The following ARMCX3 variants were observed in gnomAD, a reference collection of about 807,000 sequenced individuals.
The protein encoded by ARMCX3 is armadillo repeat containing X-linked 3.
A neutral mutation model predicts 12.6 loss-of-function variants in ARMCX3; 3 were observed. The observed-to-expected ratio is 0.24, with a 90% CI of 0.11 to 0.61. The LOEUF is 0.61. ARMCX3 is among the 20% of genes least tolerant of loss of function. The pLI is 0.88. For synonymous variants in ARMCX3, 102 were observed against 103.1 expected (o/e 0.99, Z 0.06); for missense variants, 204 against 286.1 (o/e 0.71, Z 2.07).
rs1935971728 is a variant in ARMCX3, at chrX:101,625,516, T to G, written c.537T>G (p.Val179=). 3 of 1,209,247 alleles carry G rather than the reference T, an allele frequency of 2.5e-6. No individual in the cohort carries two copies. Among genetic ancestry groups the G allele is most frequent in the Non-Finnish European group, 3.4e-6 (3 of 894,806 alleles). Residue 179 remains valine (V), a synonymous_variant, in exon 5 of 5, where the codon GTT becomes GTG. Coordinates refer to ENST00000471229, the MANE Select transcript of ARMCX3 (RefSeq NM_177947.3). ...AKILNTRDPI[V]KEKALIVLNN... ...TTCTCAATACTCGGGATCCCATAGTTAAGGAAAAGGCTTTAATTGTCCTGA... is the reference window on the plus strand; with the variant it reads ...TTCTCAATACTCGGGATCCCATAGTGAAGGAAAAGGCTTTAATTGTCCTGA...
chrX:101,625,166 G>A lies in ARMCX3; in HGVS notation c.187G>A (p.Asp63Asn), dbSNP rs1556038328. Residue 63 changes from aspartate to asparagine, a missense_variant, in exon 5 of 5, where the codon GAT becomes AAT. Coordinates refer to ENST00000471229, the MANE Select transcript of ARMCX3 (RefSeq NM_177947.3). ...SGARYNDWSDDDDDSNESKSI... is the reference protein window; with the variant it reads ...SGARYNDWSDNDDDSNESKSI... The stretch of plus-strand genomic sequence containing the variant: ...GGCCAGGTATAATGACTGGTCTGAT[G>A]ATGATGATGACAGCAATGAGAGCAA... 2 of 1,210,601 alleles carry A rather than the reference G, an allele frequency of 1.7e-6. No homozygotes were observed. Among genetic ancestry groups the A allele is most frequent in the South Asian group, 1.8e-5 (1 of 56,992 alleles).
chrX:101,626,887 A>G lies in ARMCX3; in HGVS notation c.*768A>G, dbSNP rs1175497600. ...TGGAGAATTGTTTGAATATTATCCC[A>G]TTGAATACCCAGAGCCACTAAATCT... On this transcript the variant is annotated 3_prime_UTR_variant, in exon 5 of 5. Transcript: ENST00000471229. The G allele has an allele frequency of 8.1e-6, 1 of 123,393 alleles. No homozygotes were observed. Among genetic ancestry groups the G allele is most frequent in the Non-Finnish European group, 1.9e-5 (1 of 53,273 alleles). The allele number at this position is 123,393 out of a possible 1,213,427, so 10.2% of individuals were successfully genotyped here. A position where few individuals can be genotyped will look rare whatever the true frequency, so the allele number is the denominator to read the frequency against.
rs1556038455 is a variant in ARMCX3, at chrX:101,625,478, A to G, written c.499A>G (p.Ile167Val). 1.7e-6 allele frequency: 2 copies of G among 1,210,131 alleles called. No homozygotes were observed. Among genetic ancestry groups the G allele is most frequent in the Admixed American group, 4.4e-5 (2 of 45,834 alleles). Residue 167 changes from isoleucine to valine, a missense_variant, in exon 5 of 5, where the codon ATT becomes GTT. Coordinates refer to ENST00000471229, the MANE Select transcript of ARMCX3 (RefSeq NM_177947.3). ...TATTCGTGATCTGGGTGGTCTCCCA[A>G]TTGTCGCAAAGATTCTCAATACTCG... ...DIIRDLGGLP[I>V]VAKILNTRDP...
Position 101,625,115 on chromosome X carries a change from G to A in ARMCX3, c.136G>A (p.Val46Met), listed in dbSNP as rs138397719. The change falls in exon 5 of 5, where the codon GTG becomes ATG. Residue 46 changes from valine to methionine, a missense_variant. Physicochemically the swap from Val to Met is conservative, Grantham distance 21. Transcript: ENST00000471229. ...AATGGCTGAGGGTGGATCTGGGGAT[G>A]TGGATGATGCTGGGGACTGTTCTGG... ...EKMAEGGSGD[V>M]DDAGDCSGAR... 1.7e-6 allele frequency: 2 copies of A among 1,204,127 alleles called. No homozygotes were observed. The highest frequency in any genetic ancestry group is 3.6e-5 in the South Asian group (2 of 55,235).
At chrX:101,624,809 C>A in intron 4 of ARMCX3, 25 bp from the exon 5 acceptor site, 1 of 368,511 alleles carries the variant, frequency 2.7e-6, no homozygotes, top group East Asian at 4.4e-5. Flanking sequence ...GAAACTCAAA[C>A]CCAATTTTCT....
chrX:101,623,399 C>T (rs1556037896), intron 1 of ARMCX3, 123 bp downstream of exon 1: 1 of 112,702 alleles, frequency 8.9e-6, no homozygotes, highest in East Asian at 2.8e-4. Context: ...GACATATGTC[C>T]CGCTTGCAGC....
At position 101,626,020 on chromosome X, in the gene ARMCX3, T is replaced by C. The variant is rs1556038761; in HGVS notation, c.1041T>C (p.Val347=). ...AATTTCAAGTGTGTGCTGATAAGGT[T>C]CTGGGAATAGAAAGTCACCATGATT... is the stretch of plus-strand genomic sequence containing the variant. ...LKEFQVCADK[V]LGIESHHDFL... The change falls in exon 5 of 5, where the codon GTT becomes GTC. Residue 347 remains valine (V), a synonymous_variant. Transcript: ENST00000471229. The C allele has an allele frequency of 8.3e-7, 1 of 1,201,611 alleles. No homozygotes were observed. Among genetic ancestry groups the C allele is most frequent in the Non-Finnish European group, 1.1e-6 (1 of 892,516 alleles).
chrX:101,627,213 A>G lies in ARMCX3; in HGVS notation c.*1094A>G, dbSNP rs1556039092. On this transcript the variant is annotated 3_prime_UTR_variant, in exon 5 of 5. Coordinates refer to ENST00000471229, the MANE Select transcript of ARMCX3 (RefSeq NM_177947.3). ...GAATGTTCACACAGTAGGATATTATAAGTATGCTGATGGAAATCTATATTG... is the reference window on the plus strand; with the variant it reads ...GAATGTTCACACAGTAGGATATTATGAGTATGCTGATGGAAATCTATATTG... 1 of 123,641 alleles carries G rather than the reference A, an allele frequency of 8.1e-6. No individual in the cohort carries two copies. The highest frequency in any genetic ancestry group is 1.9e-5 in the Non-Finnish European group (1 of 53,332). The allele number at this position is 123,641 out of a possible 1,213,427, so 10.2% of individuals were successfully genotyped here.
rs1166137320 is a variant in ARMCX3, at chrX:101,627,317, A to C, written c.*1198A>C. ...ATAGAAGTATTCGAAGTATAGTTCC[A>C]TTTTTTGAGACTAATAAAACATATG... is the stretch of plus-strand genomic sequence containing the variant. On this transcript the variant is annotated 3_prime_UTR_variant, in exon 5 of 5. Coordinates refer to ENST00000471229, the MANE Select transcript of ARMCX3 (RefSeq NM_177947.3). The C allele has an allele frequency of 1.6e-5, 2 of 123,683 alleles. No homozygotes were observed. The highest frequency in any genetic ancestry group is 3.8e-5 in the Non-Finnish European group (2 of 53,301). The allele number at this position is 123,683 out of a possible 1,213,427, so 10.2% of individuals were successfully genotyped here.
Position 101,626,079 on chromosome X carries a change from C to T in ARMCX3, c.1100C>T (p.Ala367Val), listed in dbSNP as rs1473452588. 1 of 1,188,937 alleles carries T rather than the reference C, an allele frequency of 8.4e-7. No individual in the cohort carries two copies. Among genetic ancestry groups the T allele is most frequent in the Admixed American group, 2.4e-5 (1 of 41,260 alleles). The change falls in exon 5 of 5, where the codon GCC becomes GTC. Residue 367 changes from alanine (A) to valine (V), a missense_variant. Ala to Val is a moderately conservative substitution (Grantham distance 64, BLOSUM62 0). Transcript: ENST00000471229. ...AAAGTAAAAGTTGGAAAATTCATGGCCAAACTTGCTGAACATATGTTCCCA... is the reference window on the plus strand; with the variant it reads ...AAAGTAAAAGTTGGAAAATTCATGGTCAAACTTGCTGAACATATGTTCCCA... Reference protein sequence around the residue: ...LVKVKVGKFMAKLAEHMFPKS... With the variant: ...LVKVKVGKFMVKLAEHMFPKS...
At chrX:101,624,413 G>T (rs1051517325) in intron 3 of ARMCX3, 67 bp from the exon 4 acceptor site, 3 of 112,224 alleles carry the variant, frequency 2.7e-5, no homozygotes, top group Admixed American at 9.4e-5. Context: ...TGGTGAATCA[G>T]GAAAGCAACG....
At position 101,625,871 on chromosome X, in the gene ARMCX3, A is replaced by G; in HGVS notation, c.892A>G (p.Asn298Asp). ...GGGCTCCCTCTTTAATAAGAAGGAG[A>G]ACAAAGAAGTTATTCTTAAACTTCT... ...SLGSLFNKKE[N>D]KEVILKLLVI... is the part of the protein sequence containing the mutation. The change falls in exon 5 of 5, where the codon AAC becomes GAC. Residue 298 changes from asparagine to aspartate, a missense_variant. Transcript: ENST00000471229. 2 of 1,206,522 alleles carry G rather than the reference A, an allele frequency of 1.7e-6. No individual in the cohort carries two copies. The highest frequency in any genetic ancestry group is 2.2e-6 in the Non-Finnish European group (2 of 892,536).
chrX:101,626,294 A>G lies in ARMCX3; in HGVS notation c.*175A>G. The G allele has an allele frequency of 2.6e-6, 1 of 377,546 alleles. No homozygotes were observed. Among genetic ancestry groups the G allele is most frequent in the Admixed American group, 5.2e-5 (1 of 19,137 alleles). The allele number at this position is 377,546 out of a possible 1,213,427, so 31.1% of individuals were successfully genotyped here. ...TCTTTAGGTTTAAGATGGATAAATG[A>G]ATATCACTACTTGTTCTGAAAACAT... On this transcript the variant is annotated 3_prime_UTR_variant, in exon 5 of 5. Transcript: ENST00000471229.
At position 101,626,745 on chromosome X, in the gene ARMCX3, T is replaced by A. The variant is rs1556038968; in HGVS notation, c.*626T>A. 1 of 122,513 alleles carries A rather than the reference T, an allele frequency of 8.2e-6. No homozygotes were observed. Among genetic ancestry groups the A allele is most frequent in the Non-Finnish European group, 1.9e-5 (1 of 53,048 alleles). The allele number at this position is 122,513 out of a possible 1,213,427, so 10.1% of individuals were successfully genotyped here. ...ATGAGACAAGACAAGGGGGGCATGG[T>A]GTGAGAAAGGCATGGAAGTAGGAAC... On this transcript the variant is annotated 3_prime_UTR_variant, in exon 5 of 5. Coordinates refer to ENST00000471229, the MANE Select transcript of ARMCX3 (RefSeq NM_177947.3).
At position 101,627,097 on chromosome X, in the gene ARMCX3, T is replaced by C. The variant is rs1004377670; in HGVS notation, c.*978T>C. The C allele has an allele frequency of 8.1e-6, 1 of 123,155 alleles. No individual in the cohort carries two copies. The highest frequency in any genetic ancestry group is 9.5e-5 in the Admixed American group (1 of 10,536). 10.1% of individuals were successfully genotyped at this position (123,155 alleles called of 1,213,427 possible). A position where few individuals can be genotyped will look rare whatever the true frequency, so the allele number is the denominator to read the frequency against. ...ATTGAATAATTGCCCAAAGATTGTA[T>C]GTATGAGGCTGTTCATCCCAGCACT... is the stretch of plus-strand genomic sequence containing the variant. On this transcript the variant is annotated 3_prime_UTR_variant, in exon 5 of 5. Coordinates refer to ENST00000471229, the MANE Select transcript of ARMCX3 (RefSeq NM_177947.3).
At position 101,623,285 on chromosome X, in the gene ARMCX3, C is replaced by T. The variant is rs938829107; in HGVS notation, c.-359+9C>T. 5.3e-5 allele frequency: 6 copies of T among 113,563 alleles called. No individual in the cohort carries two copies. The Admixed American group carries it at 5.5e-4, about 10-fold the overall frequency. The allele number at this position is 113,563 out of a possible 1,213,427, so 9.4% of individuals were successfully genotyped here. A position where few individuals can be genotyped will look rare whatever the true frequency, so the allele number is the denominator to read the frequency against. ...GTCCCGAATCCCTGCAGGTCAGTACCTGGAAGATTCCATAAAGTCGGGGTG... is the reference window on the plus strand; with the variant it reads ...GTCCCGAATCCCTGCAGGTCAGTACTTGGAAGATTCCATAAAGTCGGGGTG... On this transcript the variant is annotated intron_variant, in intron 1 of 4. Transcript: ENST00000471229.
Position 101,625,952 on chromosome X carries a change from CAG to C in ARMCX3, c.975_976del (p.Asn326SerfsTer4). The part of the protein sequence containing the change: ...NFKWEENEPT[Q>X]NQFGEGSLFF... The stretch of plus-strand genomic sequence containing the variant: ...CAAATGGGAAGAAAATGAACCTACT[CAG>C]AATCAATTCGGTGAAGGTTCACTTT... On this transcript the variant is annotated frameshift_variant, in exon 5 of 5. Transcript: ENST00000471229. LOFTEE classifies it high-confidence loss of function. The C allele has an allele frequency of 8.3e-7, 1 of 1,208,416 alleles. No individual in the cohort carries two copies.
At position 101,625,837 on chromosome X, in the gene ARMCX3, A is replaced by G. The variant is rs1556038646; in HGVS notation, c.858A>G (p.Pro286=). Reference sequence around the variant, plus strand: ...GGGAACTGCTCAGGGCCCAAGTACCATCTTCACTGGGCTCCCTCTTTAATA... The same window carrying G: ...GGGAACTGCTCAGGGCCCAAGTACCGTCTTCACTGGGCTCCCTCTTTAATA... The part of the protein sequence containing the change: ...MTRELLRAQV[P]SSLGSLFNKK... The change falls in exon 5 of 5, where the codon CCA becomes CCG. Residue 286 remains proline (P), a synonymous_variant. Coordinates refer to ENST00000471229, the MANE Select transcript of ARMCX3 (RefSeq NM_177947.3). 4 of 1,207,888 alleles carry G rather than the reference A, an allele frequency of 3.3e-6. No individual in the cohort carries two copies. In the Admixed American group the frequency reaches 6.6e-5, roughly 20 times the overall value.
Position 101,625,537 on chromosome X carries a change from C to T in ARMCX3, c.558C>T (p.Val186=), listed in dbSNP as rs1556038484. ...DPIVKEKALI[V]LNNLSVNAEN... is the part of the protein sequence containing the mutation. ...TAGTTAAGGAAAAGGCTTTAATTGTCCTGAATAACTTGAGTGTGAATGCTG... is the reference window on the plus strand; with the variant it reads ...TAGTTAAGGAAAAGGCTTTAATTGTTCTGAATAACTTGAGTGTGAATGCTG... Residue 186 remains valine (V), a synonymous_variant, in exon 5 of 5, where the codon GTC becomes GTT. Coordinates refer to ENST00000471229, the MANE Select transcript of ARMCX3 (RefSeq NM_177947.3). 1 of 1,209,094 alleles carries T rather than the reference C, an allele frequency of 8.3e-7. No individual in the cohort carries two copies. The highest frequency in any genetic ancestry group is 1.8e-5 in the South Asian group (1 of 56,340).
Sources: allele counts gnomAD v4.1 joint callset, GRCh38; gene constraint gnomAD v4.1.1; transcripts MANE v1.5; gene names NCBI Gene and HGNC (gene_info 2026-07-23, HGNC 2026-07-21).